The following FARP2 variants were observed in gnomAD, a reference collection of about 807,000 sequenced individuals.
FARP2 encodes FERM, ARH/RhoGEF and pleckstrin domain protein 2.
Under a neutral mutation model 130.5 loss-of-function variants are expected in FARP2, and 111 were observed. The observed-to-expected ratio is 0.85, with a 90% CI of 0.73 to 1.00. The LOEUF is 1.00. FARP2 is among the 50% of genes least tolerant of loss of function. The probability of loss-of-function intolerance (pLI) is 0.00; values close to 1 mark genes in which losing one functional copy is unlikely to be tolerated. For synonymous variants in FARP2, 504 were observed against 516.9 expected, an observed-to-expected ratio of 0.98 and a Z score of 0.34; for missense variants, 1,385 against 1,346.3, an observed-to-expected ratio of 1.03 and a Z score of -0.45.
chr2:241,376,137 A>C (rs2150305877), intron 2 of FARP2, among the ~76,000 whole-genome samples: 1 of 152,214 alleles, frequency 6.6e-6, no homozygotes, highest in Non-Finnish European at 1.5e-5. Flanking sequence ...TTACCCACAC[A>C]TTTGGCACCC....
intron 15 of FARP2, 78 bp downstream of exon 15, chr2:241,462,690 TTC>T: frequency 1.0e-6 from 1 of 982,104 alleles, no homozygotes; most frequent in Non-Finnish European, 1.6e-6. Flanking sequence ...TCTCTTTTTT[TTC>T]TTTTTTTCTT....
chr2:241,433,378 A>G (rs549054695), intron 9 of FARP2, among the ~76,000 whole-genome samples: 10 of 152,328 alleles, frequency 6.6e-5, no homozygotes, highest in African/African-American at 2.4e-4. Flanking sequence ...TTGAGCTCAG[A>G]TTTCCATTTC....
chr2:241,409,709 T>C (rs2062465760), intron 5 of FARP2, among the ~76,000 whole-genome samples: 2 of 152,178 alleles, frequency 1.3e-5, no homozygotes, highest in Admixed American at 1.3e-4. Flanking sequence ...TATAAAACAA[T>C]ATCAAATGAT....
chr2:241,385,871 A>C (rs2061772052), intron 2 of FARP2, among the ~76,000 whole-genome samples: 1 of 152,184 alleles, frequency 6.6e-6, no homozygotes, highest in Admixed American at 6.5e-5. Flanking sequence ...CATCTATATC[A>C]CTACTTCTGT....
intron 1 of FARP2, among the ~76,000 whole-genome samples, chr2:241,357,900 G>A (rs1355922541): frequency 6.6e-6 from 1 of 152,178 alleles, no homozygotes; most frequent in Admixed American, 6.5e-5. Flanking sequence ...CAAAAAATGA[G>A]TTTAAAATTT....
intron 1 of FARP2, among the ~76,000 whole-genome samples, chr2:241,360,198 A>G (rs1010279550): frequency 1.3e-5 from 2 of 152,218 alleles, no homozygotes; most frequent in African/African-American, 2.4e-5. Flanking sequence ...CTGAAACAGA[A>G]TAGAGCTCAA....
intron 1 of FARP2, among the ~76,000 whole-genome samples, chr2:241,361,043 C>T (rs1034089598): frequency 6.8e-6 from 1 of 146,896 alleles, no homozygotes; most frequent in Non-Finnish European, 1.5e-5. Context: ...AAAAAAAAAA[C>T]ACACATCTTA....
intron 1 of FARP2, among the ~76,000 whole-genome samples, chr2:241,363,169 G>A (rs1338811130): frequency 6.6e-6 from 1 of 152,234 alleles, no homozygotes; most frequent in Non-Finnish European, 1.5e-5. Context: ...CTGAAGGCAG[G>A]TACCCAGTAT....
intron 2 of FARP2, among the ~76,000 whole-genome samples, chr2:241,378,060 A>G (rs752997865): frequency 6.6e-6 from 1 of 152,094 alleles, no homozygotes; most frequent in African/African-American, 2.4e-5. Context: ...GTAGGTGTGT[A>G]GTAGTATCTC....
chr2:241,407,862 C>G (rs1453615120), intron 5 of FARP2, among the ~76,000 whole-genome samples: 1 of 152,132 alleles, frequency 6.6e-6, no homozygotes, highest in Non-Finnish European at 1.5e-5. Flanking sequence ...ATGTTAGGGT[C>G]ATGTTGAACT....
intron 1 of FARP2, among the ~76,000 whole-genome samples, chr2:241,363,505 A>G (rs2061236394): frequency 6.6e-6 from 1 of 152,198 alleles, no homozygotes; most frequent in African/African-American, 2.4e-5. Flanking sequence ...CAGAGAGGGA[A>G]TTGCTCAGGA....
chr2:241,457,741 C>T (rs112061664), intron 14 of FARP2, among the ~76,000 whole-genome samples: 3 of 138,094 alleles, frequency 2.2e-5, no homozygotes. Flanking sequence ...GGCTCTTGGG[C>T]GGGAGACCCA....
chr2:241,411,249 A>T lies in FARP2; in HGVS notation c.508+119A>T, dbSNP rs1038569122. 3 of 684,412 alleles carry T rather than the reference A, an allele frequency of 4.4e-6. No individual in the cohort carries two copies. The African/African-American group carries it at 5.4e-5, about 12-fold the overall frequency. The allele number at this position is 684,412 out of a possible 1,614,324, so 42.4% of individuals were successfully genotyped here. A position where few individuals can be genotyped will look rare whatever the true frequency, so the allele number is the denominator to read the frequency against. On this transcript the variant is annotated intron_variant, in intron 6 of 26. Coordinates refer to ENST00000264042, the MANE Select transcript of FARP2 (RefSeq NM_014808.4). ...AGTTAGTGAGCCTGACCATAGAATG[A>T]GGTGTTTCAACTTCAGTGTTTTTTA...
In FARP2 at chr2:241,468,151, C is replaced by G; in HGVS notation, c.1905C>G (p.Ser635Arg). ...TTGCGCCTCCACAGGAGTTTACCAG[C>G]TACTTCCAAAGACATGACGAGGTCC... ...RNMRQLKEFT[S>R]YFQRHDEVLT... Residue 635 changes from serine to arginine, a missense_variant, in exon 18 of 27, where the codon AGC (serine) becomes AGG (arginine). By Grantham distance (110) the Ser-to-Arg change is moderately radical. Coordinates refer to ENST00000264042, the MANE Select transcript of FARP2 (RefSeq NM_014808.4). 1 of 1,612,628 alleles carries G rather than the reference C, an allele frequency of 6.2e-7. No homozygotes were observed. The highest frequency in any genetic ancestry group is 8.5e-7 in the Non-Finnish European group (1 of 1,178,706).
chr2:241,404,918 A>G (rs11681497), intron 4 of FARP2, 77 bp downstream of exon 4: 112,735 of 1,091,714 alleles, frequency 0.1, 6,080 homozygotes, highest in Middle Eastern at 0.12. Context: ...GGCATGTTCA[A>G]CTGTTCATTC....
At position 241,493,022 on chromosome 2, in the gene FARP2, T is replaced by C; in HGVS notation, c.2881T>C (p.Tyr961His). Residue 961 changes from tyrosine to histidine, a missense_variant, in exon 25 of 27, where the codon TAC (tyrosine) becomes CAC (histidine). Coordinates refer to ENST00000264042, the MANE Select transcript of FARP2 (RefSeq NM_014808.4). ...CTTTACCAACTTCTGTTTGTTCTTC[T>C]ACAAAACTCATCAGGTACTGGAGTT... The part of the protein sequence containing the change: ...VVFTNFCLFF[Y>H]KTHQDDYPLA... The C allele has an allele frequency of 1.3e-6, 2 of 1,594,768 alleles. No homozygotes were observed. Among genetic ancestry groups the C allele is most frequent in the Non-Finnish European group, 1.7e-6 (2 of 1,162,366 alleles).
chr2:241,362,416 A>G (rs2061208413), intron 1 of FARP2, among the ~76,000 whole-genome samples: 2 of 151,978 alleles, frequency 1.3e-5, no homozygotes, highest in Admixed American at 1.3e-4. Context: ...ATCCTGGCTA[A>G]CATGGTGAAA....
At chr2:241,476,214 TAAAAA>T (rs57746386) in intron 19 of FARP2, among the ~76,000 whole-genome samples, 1 of 108,176 alleles carries the variant, frequency 9.2e-6, no homozygotes, top group Non-Finnish European at 1.9e-5. Flanking sequence ...TTCTATGAAT[TAAAAA>T]AAAAAAAAAA....
At chr2:241,399,362 G>A (rs1177582804) in intron 2 of FARP2, among the ~76,000 whole-genome samples, 1 of 152,210 alleles carries the variant, frequency 6.6e-6, no homozygotes, top group African/African-American at 2.4e-5. Flanking sequence ...CTGGAGTGCA[G>A]TGGCATGATC....
Sources: gnomAD v4.1 joint callset for allele counts (sites outside exome capture counted in the v4.1 genomes callset) on GRCh38, gnomAD v4.1.1 for gene constraint, MANE v1.5 for transcripts, NCBI Gene and HGNC (gene_info 2026-07-23, HGNC 2026-07-21) for gene names.